Variants in EPDR1 observed in about 807,000 individuals in gnomAD.
EPDR1 encodes the protein mammalian ependymin-related protein 1.
Under a neutral mutation model 23.7 loss-of-function variants are expected in EPDR1, and 27 were observed. The observed-to-expected ratio is 1.14, with a 90% CI of 0.84 to 1.57. EPDR1 has a LOEUF of 1.57. Ranked by LOEUF, EPDR1 falls within the 40% of genes most tolerant of loss-of-function variation. The probability of loss-of-function intolerance (pLI) is 0.00; values close to 1 mark genes in which losing one functional copy is unlikely to be tolerated. For missense variants in EPDR1, 349 were observed against 290.4 expected (o/e 1.20, Z -1.47); for synonymous variants, 137 against 118.2 (o/e 1.16, Z -1.03).
Position 37,920,971 on chromosome 7 carries a change from C to G in EPDR1, c.32C>G (p.Pro11Arg). The G allele has an allele frequency of 6.4e-7, 1 of 1,567,072 alleles. No individual in the cohort carries two copies. Among genetic ancestry groups the G allele is most frequent in the Non-Finnish European group, 8.6e-7 (1 of 1,159,272 alleles). ...GGACGCGCTCCCCTCCGCACCGTCC[C>G]GGGCGCCCTGGGTGCCTGGCTGCTG... MPGRAPLRTV[P>R]GALGAWLLGG... Residue 11 changes from proline to arginine, a missense_variant, in exon 1 of 3, where the codon CCG becomes CGG. By Grantham distance (103) the Pro-to-Arg change is moderately radical. Coordinates refer to ENST00000199448, the MANE Select transcript of EPDR1 (RefSeq NM_017549.5).
intron 1 of EPDR1, among the ~76,000 whole-genome samples, chr7:37,935,030 A>G (rs1786020582): frequency 1.3e-5 from 2 of 152,248 alleles, no homozygotes; most frequent in Non-Finnish European, 2.9e-5. Context: ...TTTACATTGT[A>G]TAAAGATTAT....
At chr7:37,937,725 G>C (rs577189789) in intron 1 of EPDR1, among the ~76,000 whole-genome samples, 4 of 152,102 alleles carry the variant, frequency 2.6e-5, no homozygotes, top group South Asian at 2.1e-4. Flanking sequence ...CACCTAAAAA[G>C]TTTCTCAAGT....
At chr7:37,929,480 CCTGA>C (rs1785887123) in intron 1 of EPDR1, among the ~76,000 whole-genome samples, 1 of 152,040 alleles carries the variant, frequency 6.6e-6, no homozygotes, top group African/African-American at 2.4e-5. Context: ...AAGAGCAGGG[CCTGA>C]CTAATTTTTA....
chr7:37,937,187 A>G (rs1583667306), intron 1 of EPDR1, among the ~76,000 whole-genome samples: 1 of 152,342 alleles, frequency 6.6e-6, no homozygotes, highest in East Asian at 1.9e-4. Flanking sequence ...TGTTGTTGGA[A>G]CAACTGAGAA....
chr7:37,946,382 C>T (rs895819359), intron 1 of EPDR1, among the ~76,000 whole-genome samples: 5 of 152,152 alleles, frequency 3.3e-5, no homozygotes, highest in African/African-American at 1.2e-4. Context: ...TCCACAACCT[C>T]GCCAGCATCT....
At chr7:37,931,106 A>G (rs1785928613) in intron 1 of EPDR1, among the ~76,000 whole-genome samples, 1 of 152,068 alleles carries the variant, frequency 6.6e-6, no homozygotes, top group East Asian at 1.9e-4. Context: ...GAGATTTTCA[A>G]TGTCTAAGCA....
intron 1 of EPDR1, 26 bp downstream of exon 1, chr7:37,921,234 G>A: frequency 1.3e-6 from 2 of 1,562,552 alleles, no homozygotes; most frequent in Admixed American, 3.7e-5. Context: ...CCGCGGGGCG[G>A]GAGTAGGGAG....
chr7:37,936,210 TTTTAGAAAATCCATAAATATCTATAAAA>T (rs754307099), intron 1 of EPDR1, among the ~76,000 whole-genome samples: 3 of 151,414 alleles, frequency 2.0e-5, no homozygotes, highest in Non-Finnish European at 4.4e-5. Context: ...GATGGTTCAA[TTTTAGAAAATCCATAAATATCTATAAAA>T]TAATCATGTG....
At chr7:37,949,607 GTA>G (rs138731910) in intron 2 of EPDR1, among the ~76,000 whole-genome samples, 77 of 151,354 alleles carry the variant, frequency 5.1e-4, no homozygotes, top group Middle Eastern at 3.4e-3. Context: ...CTCCACTTCT[GTA>G]TATATATATA....
Position 37,920,707 on chromosome 7 carries a change from A to G in EPDR1, c.-233A>G. 6.2e-7 allele frequency: 1 copy of G among 1,605,570 alleles called. No homozygotes were observed. The highest frequency in any genetic ancestry group is 1.1e-5 in the South Asian group (1 of 90,162). ...GCAGCAGGCAGTGGCCCAGGCAGAA[A>G]TAGCTCCCGCGCGATTCACTGGAGC... On this transcript the variant is annotated 5_prime_UTR_variant, in exon 1 of 3. Transcript: ENST00000199448.
chr7:37,938,754 T>G (rs140541868), intron 1 of EPDR1, among the ~76,000 whole-genome samples: 1 of 152,214 alleles, frequency 6.6e-6, no homozygotes, highest in Admixed American at 6.5e-5. Flanking sequence ...TCTTGACCAC[T>G]TGTGTAAAAT....
intron 1 of EPDR1, among the ~76,000 whole-genome samples, chr7:37,932,244 A>G (rs866460054): frequency 4.2e-4 from 64 of 152,198 alleles, no homozygotes; most frequent in Middle Eastern, 3.4e-3. Flanking sequence ...TGTTTTTGCC[A>G]TAGTCAATCT....
chr7:37,951,161 G>T lies in EPDR1; in HGVS notation c.*765G>T, dbSNP rs1433266691. On this transcript the variant is annotated 3_prime_UTR_variant, in exon 3 of 3. Transcript: ENST00000199448. The stretch of plus-strand genomic sequence containing the variant: ...TTGATGTATGTGCTGAATCTTCACA[G>T]ACTTGTCAATACACAGGCAGTATTC... The T allele has an allele frequency of 6.6e-6, 1 of 152,126 alleles. No homozygotes were observed. The highest frequency in any genetic ancestry group is 1.5e-5 in the Non-Finnish European group (1 of 68,028). 9.4% of individuals were successfully genotyped at this position (152,126 alleles called of 1,614,324 possible).
intron 1 of EPDR1, among the ~76,000 whole-genome samples, chr7:37,934,386 A>T (rs762493626): frequency 1.3e-5 from 2 of 151,402 alleles, no homozygotes; most frequent in Non-Finnish European, 2.9e-5. Context: ...TCCTCTCCCA[A>T]CTACAGTCAA....
chr7:37,931,405 C>CT (rs1785935335), intron 1 of EPDR1, among the ~76,000 whole-genome samples: 1 of 151,802 alleles, frequency 6.6e-6, no homozygotes, highest in South Asian at 2.1e-4. Flanking sequence ...TCCCAGCTAC[C>CT]CAGGAGGCTG....
In EPDR1 at chr7:37,950,283, T is replaced by C. The variant is rs1786370834; in HGVS notation, c.562T>C (p.Ser188Pro). 6.2e-7 allele frequency: 1 copy of C among 1,614,138 alleles called. No individual in the cohort carries two copies. The highest frequency in any genetic ancestry group is 8.5e-7 in the Non-Finnish European group (1 of 1,180,012). Residue 188 changes from serine to proline, a missense_variant, in exon 3 of 3, where the codon TCT becomes CCT. By Grantham distance (74) the Ser-to-Pro change is moderately conservative. Transcript: ENST00000199448. ...TFTINYSVIL[S>P]TRFFDIQLGI... is the part of the protein sequence containing the mutation. ...TACCATAAACTACAGTGTGATATTGTCTACGCGGTTTTTTGACATCCAGCT... is the reference window on the plus strand; with the variant it reads ...TACCATAAACTACAGTGTGATATTGCCTACGCGGTTTTTTGACATCCAGCT...
At chr7:37,949,123 G>T in intron 2 of EPDR1, 75 bp downstream of exon 2, 1 of 1,434,624 alleles carries the variant, frequency 7.0e-7, no homozygotes, top group Non-Finnish European at 9.6e-7. Context: ...TTTAAGGAAG[G>T]TAGTTTTTAG....
intron 1 of EPDR1, among the ~76,000 whole-genome samples, chr7:37,945,170 T>C (rs1421202277): frequency 6.6e-6 from 1 of 152,232 alleles, no homozygotes; most frequent in African/African-American, 2.4e-5. Flanking sequence ...TAGGCTCTAT[T>C]GTGTCAGAGA....
chr7:37,925,151 C>G (rs1026296252), intron 1 of EPDR1, among the ~76,000 whole-genome samples: 1 of 152,200 alleles, frequency 6.6e-6, no homozygotes, highest in Admixed American at 6.5e-5. Context: ...ATTAAATTCA[C>G]AAGTATTTAT....
Sources: allele counts gnomAD v4.1 joint callset (sites outside exome capture counted in the v4.1 genomes callset), GRCh38; gene constraint gnomAD v4.1.1; transcripts MANE v1.5; gene names NCBI Gene and HGNC (gene_info 2026-07-23, HGNC 2026-07-21).